Variants in AFF2 observed in about 807,000 individuals in gnomAD.
AFF2 encodes the protein ALF transcription elongation factor 2, also known as AF4/FMR2 family member 2.
In AFF2, 14 loss-of-function variants were observed where a neutral mutation model predicts 76.9. The ratio of observed to expected loss-of-function variants is 0.18; its 90% CI spans 0.12 to 0.28. AFF2 has a LOEUF of 0.28. Ranked by LOEUF, AFF2 falls within the 10% of genes least tolerant of loss-of-function variation. The pLI, the probability that AFF2 is intolerant of heterozygous loss-of-function variation, is 1.00. For synonymous variants in AFF2, 398 were observed against 366.7 expected (o/e 1.09, Z -0.98); for missense variants, 868 against 1,001.1 (o/e 0.87, Z 1.79).
At chrX:148,935,873 T>TG (rs1603343194) in intron 9 of AFF2, among the ~76,000 whole-genome samples, 1 of 2,873 alleles carries the variant, frequency 3.5e-4, no homozygotes, top group Non-Finnish European at 0.011. Context: ...ATACTTTAGG[T>TG]TTTTTTTTTT....
chrX:148,844,680 TA>T (rs1191992513), intron 7 of AFF2, among the ~76,000 whole-genome samples: 4 of 111,259 alleles, frequency 3.6e-5, no homozygotes, highest in African/African-American at 1.3e-4. Context: ...AATAATTGCA[TA>T]AAAAAACTGG....
intron 8 of AFF2, among the ~76,000 whole-genome samples, chrX:148,891,303 G>T (rs1188615620): frequency 9.0e-6 from 1 of 110,991 alleles, no homozygotes; most frequent in Non-Finnish European, 1.9e-5. Flanking sequence ...ATTTTTCTCG[G>T]GGTTAAAGGA....
intron 3 of AFF2, among the ~76,000 whole-genome samples, chrX:148,749,480 G>A (rs2055470630): frequency 9.0e-6 from 1 of 111,207 alleles, no homozygotes; most frequent in Non-Finnish European, 1.9e-5. Context: ...TTAGAGTAAA[G>A]TTATTTTAAT....
intron 3 of AFF2, among the ~76,000 whole-genome samples, chrX:148,666,227 C>A (rs956746426): frequency 1.6e-4 from 18 of 112,017 alleles, no homozygotes; most frequent in Non-Finnish European, 3.8e-5. Context: ...AGAAGTATAA[C>A]CAACTTTATT....
At chrX:148,917,710 C>T (rs1278321087) in intron 9 of AFF2, among the ~76,000 whole-genome samples, 5 of 112,464 alleles carry the variant, frequency 4.4e-5, no homozygotes, top group Non-Finnish European at 9.4e-5. Flanking sequence ...CTCACTGTCA[C>T]GGACGTTTCT....
chrX:148,913,426 A>G (rs782055500), intron 9 of AFF2, among the ~76,000 whole-genome samples: 2 of 112,667 alleles, frequency 1.8e-5, no homozygotes, highest in Non-Finnish European at 3.7e-5. Flanking sequence ...TGCCAACTTC[A>G]ATTATATTAA....
At position 148,958,356 on chromosome X, in the gene AFF2, A is replaced by T. The variant is rs1438759763; in HGVS notation, c.2588A>T (p.Lys863Met). 2.5e-6 allele frequency: 3 copies of T among 1,209,798 alleles called. No individual in the cohort carries two copies. Among genetic ancestry groups the T allele is most frequent in the Non-Finnish European group, 3.4e-6 (3 of 895,084 alleles). Residue 863 changes from lysine (K) to methionine (M), a missense_variant, in exon 12 of 21, where the codon AAG becomes ATG. Around this residue, in one of 6 missense-constraint regions of AFF2, gnomAD observed 532 missense variants for 564.2 expected, o/e 0.94. Coordinates refer to ENST00000370460, the MANE Select transcript of AFF2 (RefSeq NM_002025.4). ...RKHKPIEVAEKIPEKKQRLEE... is the reference protein window; with the variant it reads ...RKHKPIEVAEMIPEKKQRLEE... ...TTAAAGCCAATAGAAGTTGCAGAGA[A>T]GATCCCTGAGAAGAAGCAGCGCCTG...
At chrX:148,843,491 G>A in intron 7 of AFF2, 58 bp downstream of exon 7, 1 of 961,983 alleles carries the variant, frequency 1.0e-6, no homozygotes, top group Non-Finnish European at 1.5e-6. Flanking sequence ...AGGAAACAGT[G>A]CCTCAATGCT....
At chrX:148,777,566 A>G (rs1217232318) in intron 3 of AFF2, among the ~76,000 whole-genome samples, 1 of 111,594 alleles carries the variant, frequency 9.0e-6, no homozygotes, top group Non-Finnish European at 1.9e-5. Flanking sequence ...TAGGTCCTTC[A>G]CATCCCTTGT....
rs1177211747 is a variant in AFF2 at position 148,897,268 on chromosome X, T to TGAAAA, written c.1360-6953_1360-6952insGAAAA. Among the ~76,000 whole-genome samples the TGAAAA allele has an allele frequency of 1.1e-4, 3 of 26,833 alleles. No homozygotes were observed. In the Admixed American group the frequency reaches 1.6e-3, roughly 14 times the overall value. 23.3% of individuals were successfully genotyped at this position (26,833 alleles called of 115,157 possible). ...ATATATATATATATATATATATATA[T>TGAAAA]ATATGTATATGAAAAATATATATAT... On this transcript the variant is annotated intron_variant, in intron 8 of 20. Transcript: ENST00000370460.
chrX:148,541,519 T>G (rs1363149854), intron 1 of AFF2, among the ~76,000 whole-genome samples: 1 of 111,464 alleles, frequency 9.0e-6, no homozygotes, highest in Admixed American at 9.6e-5. Context: ...ACCACTATTC[T>G]GAAGCCATTA....
At chrX:148,779,695 T>C (rs1275785691) in intron 3 of AFF2, among the ~76,000 whole-genome samples, 23 of 112,236 alleles carry the variant, frequency 2.0e-4, no homozygotes, top group Non-Finnish European at 1.9e-5. Context: ...CTTGGCTCTT[T>C]ATCCAGTTTG....
chrX:148,865,437 C>A (rs782332202), intron 7 of AFF2, among the ~76,000 whole-genome samples: 2 of 112,231 alleles, frequency 1.8e-5, no homozygotes, highest in East Asian at 5.7e-4. Flanking sequence ...TCACAAGGTT[C>A]TTGTCCTGTC....
intron 1 of AFF2, among the ~76,000 whole-genome samples, chrX:148,602,528 G>T (rs185613376): frequency 6.3e-5 from 7 of 111,258 alleles, no homozygotes; most frequent in African/African-American, 9.8e-5. Flanking sequence ...GGTGAGAGTT[G>T]ATTCTGACTT....
intron 4 of AFF2, among the ~76,000 whole-genome samples, chrX:148,825,501 C>T (rs376154240): frequency 2.0e-4 from 22 of 110,872 alleles, no homozygotes; most frequent in African/African-American, 7.2e-4. Flanking sequence ...CACAGACTCT[C>T]TATCTGATTT....
intron 3 of AFF2, among the ~76,000 whole-genome samples, chrX:148,670,634 C>G (rs951093915): frequency 9.0e-6 from 1 of 111,378 alleles, no homozygotes; most frequent in East Asian, 2.8e-4. Context: ...ACGTTACTTT[C>G]CCTGTCATCC....
intron 1 of AFF2, among the ~76,000 whole-genome samples, chrX:148,525,321 A>G (rs913783435): frequency 1.8e-5 from 2 of 111,813 alleles, no homozygotes; most frequent in Non-Finnish European, 3.8e-5. Flanking sequence ...AATATTATAT[A>G]GCAAATATTG....
Position 148,883,938 on chromosome X carries a change from G to A in AFF2, c.1263-1951G>A, listed in dbSNP as rs781983701. ...TTACCATTTCTTTTGCTGAATACTT[G>A]AATATAAATTAACACATAGACATTC... On this transcript the variant is annotated intron_variant, in intron 7 of 20. Transcript: ENST00000370460. Among the ~76,000 whole-genome samples, 8 of 107,064 alleles carry A rather than the reference G, an allele frequency of 7.5e-5. No homozygotes were observed. The South Asian group carries it at 2.6e-3, about 34-fold the overall frequency. 93.0% of individuals were successfully genotyped at this position (107,064 alleles called of 115,157 possible). A position where few individuals can be genotyped will look rare whatever the true frequency, so the allele number is the denominator to read the frequency against.
chrX:148,818,752 T>C (rs373727244), intron 4 of AFF2, among the ~76,000 whole-genome samples: 2 of 110,612 alleles, frequency 1.8e-5, no homozygotes, highest in African/African-American at 3.3e-5. Context: ...TATAGTAAGA[T>C]TATGAGGCAA....
Sources: gnomAD v4.1 joint callset for allele counts (sites outside exome capture counted in the v4.1 genomes callset) on GRCh38, gnomAD v4.1.1 for gene constraint, gnomAD v4.1.1 regional missense constraint, MANE v1.5 for transcripts, NCBI Gene and HGNC (gene_info 2026-07-23, HGNC 2026-07-21) for gene names.